GABRA6: variants seen among roughly 807,000 people sequenced by gnomAD.
The protein encoded by GABRA6 is gamma-aminobutyric acid receptor subunit alpha-6.
GABRA6 carries 45 observed loss-of-function variants against 47.3 expected under a neutral mutation model. That is an observed-to-expected ratio of 0.95 (90% CI 0.75 to 1.22). The LOEUF (loss-of-function observed/expected upper bound fraction) is 1.22. Among genes scored for constraint, GABRA6 ranks in the 50% most tolerant of loss-of-function variants. The probability of loss-of-function intolerance (pLI) is 0.00; values close to 1 mark genes in which losing one functional copy is unlikely to be tolerated. For synonymous variants in GABRA6, 219 were observed against 194.7 expected (o/e 1.12, Z -1.04); for missense variants, 583 against 549.3 (o/e 1.06, Z -0.61).
At chr5:161,688,830 T>C in intron 3 of GABRA6, 119 bp from the exon 4 acceptor site, 1 of 795,848 alleles carries the variant, frequency 1.3e-6, no homozygotes, top group Non-Finnish European at 2.1e-6. Flanking sequence ...TGTGAGAAAT[T>C]ATTGCGATAA....
chr5:161,687,653 CG>C, intron 3 of GABRA6: 1 of 358,942 alleles, frequency 2.8e-6, no homozygotes, highest in South Asian at 2.2e-5. Context: ...CTCTCTAAAA[CG>C]GAAGTGTAAA....
rs531309511 is a variant in GABRA6, at chr5:161,697,555, A to G, written c.1087-3943A>G. Among the ~76,000 whole-genome samples the G allele has an allele frequency of 2.3e-4, 35 of 152,202 alleles. 1 individual carries two copies. In the South Asian group the frequency reaches 5.6e-3, roughly 24 times the overall value. On this transcript the variant is annotated intron_variant, in intron 8 of 8. Transcript: ENST00000274545. Reference sequence around the variant, plus strand: ...TGTGACTCTAAGCCAGTGATTTCCTATGGGGAGCTATTTCCCCCAAGAGAC... The same window carrying G: ...TGTGACTCTAAGCCAGTGATTTCCTGTGGGGAGCTATTTCCCCCAAGAGAC...
chr5:161,696,457 C>T (rs1454456194), intron 8 of GABRA6, among the ~76,000 whole-genome samples: 2 of 150,856 alleles, frequency 1.3e-5, no homozygotes, highest in Non-Finnish European at 2.9e-5. Context: ...TGAATTAAGA[C>T]CATTAAAGAC....
Position 161,702,040 on chromosome 5 carries a change from G to T in GABRA6, c.*267G>T. The T allele has an allele frequency of 4.4e-6, 2 of 449,604 alleles. No homozygotes were observed. Among genetic ancestry groups the T allele is most frequent in the South Asian group, 2.8e-5 (1 of 35,252 alleles). The allele number at this position is 449,604 out of a possible 1,614,324, so 27.9% of individuals were successfully genotyped here. A position where few individuals can be genotyped will look rare whatever the true frequency, so the allele number is the denominator to read the frequency against. ...GATGAAATGGGTTCAAGATGAATTT[G>T]TCAACTTTTGTCTTCCATTGTTCAG... On this transcript the variant is annotated 3_prime_UTR_variant, in exon 9 of 9. Coordinates refer to ENST00000274545, the MANE Select transcript of GABRA6 (RefSeq NM_000811.3).
chr5:161,689,409 T>A, intron 5 of GABRA6, 73 bp downstream of exon 5: 1 of 1,310,112 alleles, frequency 7.6e-7, no homozygotes, highest in South Asian at 1.2e-5. Flanking sequence ...TAGTTGATAC[T>A]GGAAATCAAG....
Position 161,701,779 on chromosome 5 carries a change from G to A in GABRA6, c.*6G>A, listed in dbSNP as rs768911332. 21 of 1,613,774 alleles carry A rather than the reference G, an allele frequency of 1.3e-5. No individual in the cohort carries two copies. Among genetic ancestry groups the A allele is most frequent in the Admixed American group, 8.3e-5 (5 of 59,996 alleles). On this transcript the variant is annotated 3_prime_UTR_variant, in exon 9 of 9. Transcript: ENST00000274545. ...TCAGTAGCAGTGTTGAATAGCTTGC[G>A]GCCAGGACAACCTGAATTCTATAAG...
chr5:161,690,646 A>G (rs1754774507), intron 7 of GABRA6, among the ~76,000 whole-genome samples: 1 of 152,206 alleles, frequency 6.6e-6, no homozygotes, highest in Non-Finnish European at 1.5e-5. Context: ...GAAAAGCAGA[A>G]AGTTAAAAAC....
chr5:161,694,234 A>G (rs1754850010), intron 8 of GABRA6, among the ~76,000 whole-genome samples: 1 of 151,682 alleles, frequency 6.6e-6, no homozygotes, highest in Non-Finnish European at 1.5e-5. Flanking sequence ...ATATATTAAT[A>G]TATGTCTATA....
chr5:161,689,252 A>G lies in GABRA6; in HGVS notation c.447-2A>G. On this transcript the variant is annotated splice_acceptor_variant, in intron 4 of 8. Coordinates refer to ENST00000274545, the MANE Select transcript of GABRA6 (RefSeq NM_000811.3). LOFTEE classifies it high-confidence loss of function. ...CAGAACCGTTGATTTCAATGTTTCT[A>G]GGCTTACCATCAATGCTGACTGTCC... is the stretch of plus-strand genomic sequence containing the variant. 6.2e-7 allele frequency: 1 copy of G among 1,613,896 alleles called. No individual in the cohort carries two copies. The highest frequency in any genetic ancestry group is 8.5e-7 in the Non-Finnish European group (1 of 1,179,758).
Position 161,687,011 on chromosome 5 carries a change from A to G in GABRA6, c.225+8A>G. On this transcript the variant is annotated splice_region_variant and intron_variant, in intron 3 of 8. Transcript: ENST00000274545. ...GTGTCAGATGTGGAGATGGTGAGTA[A>G]GTTCTAAGTGAGTTGGGTGTTTTCA... is the stretch of plus-strand genomic sequence containing the variant. The G allele has an allele frequency of 6.2e-7, 1 of 1,613,148 alleles. No homozygotes were observed. Among genetic ancestry groups the G allele is most frequent in the South Asian group, 1.1e-5 (1 of 91,074 alleles).
chr5:161,701,399 C>T lies in GABRA6; in HGVS notation c.1087-99C>T, dbSNP rs527548814. On this transcript the variant is annotated intron_variant, in intron 8 of 8. Coordinates refer to ENST00000274545, the MANE Select transcript of GABRA6 (RefSeq NM_000811.3). ...GTTTGACCTTACATAGAAAGTAAGTCGTCAATAAATATTTGTCAATGGTGA... is the reference window on the plus strand; with the variant it reads ...GTTTGACCTTACATAGAAAGTAAGTTGTCAATAAATATTTGTCAATGGTGA... 1.2e-4 allele frequency: 157 copies of T among 1,293,962 alleles called. 1 individual carries two copies. The African/African-American group carries it at 1.4e-3, about 11-fold the overall frequency. The allele number at this position is 1,293,962 out of a possible 1,614,324, so 80.2% of individuals were successfully genotyped here.
intron 8 of GABRA6, among the ~76,000 whole-genome samples, chr5:161,697,655 T>C (rs1220548886): frequency 1.3e-5 from 2 of 152,158 alleles, no homozygotes; most frequent in East Asian, 3.9e-4. Flanking sequence ...CCAGGGATGC[T>C]GCTCTACATC....
intron 1 of GABRA6, 79 bp downstream of exon 1, chr5:161,686,106 T>C: frequency 1.4e-6 from 2 of 1,452,222 alleles, no homozygotes; most frequent in East Asian, 2.3e-5. Flanking sequence ...GTGACTCCTA[T>C]ATCAAATCAT....
chr5:161,701,983 C>A lies in GABRA6; in HGVS notation c.*210C>A. On this transcript the variant is annotated 3_prime_UTR_variant, in exon 9 of 9. Coordinates refer to ENST00000274545, the MANE Select transcript of GABRA6 (RefSeq NM_000811.3). ...AGTTGAAGATTGCTGAAAAATATGA[C>A]TTTTCTGTATGTTAGAGAAAAACTT... is the stretch of plus-strand genomic sequence containing the variant. 2 of 584,724 alleles carry A rather than the reference C, an allele frequency of 3.4e-6. No homozygotes were observed. Among genetic ancestry groups the A allele is most frequent in the Non-Finnish European group, 6.0e-6 (2 of 332,770 alleles). The allele number at this position is 584,724 out of a possible 1,614,324, so 36.2% of individuals were successfully genotyped here.
rs79184473 is a variant in GABRA6, at chr5:161,692,302, A to C, written c.1086+102A>C. ...TCCAAAAGTAATGTGAGTTGAGCACAGGTTATATAACTGTAGTTTCAAGAG... is the reference window on the plus strand; with the variant it reads ...TCCAAAAGTAATGTGAGTTGAGCACCGGTTATATAACTGTAGTTTCAAGAG... On this transcript the variant is annotated intron_variant, in intron 8 of 8. Coordinates refer to ENST00000274545, the MANE Select transcript of GABRA6 (RefSeq NM_000811.3). 10,946 of 1,394,206 alleles carry C rather than the reference A, an allele frequency of 7.9e-3. 63 individuals are homozygous for C. Among genetic ancestry groups the C allele is most frequent in the Non-Finnish European group, 9.9e-3 (9,760 of 986,764 alleles). The allele number at this position is 1,394,206 out of a possible 1,614,324, so 86.4% of individuals were successfully genotyped here.
At chr5:161,688,067 C>T (rs1754730362) in intron 3 of GABRA6, among the ~76,000 whole-genome samples, 4 of 152,070 alleles carry the variant, frequency 2.6e-5, no homozygotes, top group African/African-American at 7.2e-5. Context: ...TCTGAGTATA[C>T]TTAGTGTTCT....
intron 3 of GABRA6, 110 bp from the exon 4 acceptor site, chr5:161,688,839 A>G: frequency 1.2e-6 from 1 of 863,258 alleles, no homozygotes; most frequent in Non-Finnish European, 1.9e-6. Flanking sequence ...TTATTGCGAT[A>G]AAAAGTTGCT....
chr5:161,695,119 T>G (rs1389884197), intron 8 of GABRA6, among the ~76,000 whole-genome samples: 1 of 152,192 alleles, frequency 6.6e-6, no homozygotes, highest in Non-Finnish European at 1.5e-5. Flanking sequence ...TGTGATTCTA[T>G]GTTGTATATT....
At chr5:161,698,625 G>C (rs1754923309) in intron 8 of GABRA6, among the ~76,000 whole-genome samples, 1 of 151,866 alleles carries the variant, frequency 6.6e-6, no homozygotes, top group South Asian at 2.1e-4. Flanking sequence ...TAGGAAAAAA[G>C]TTACTTGTTA....
Sources: gnomAD v4.1 joint callset for allele counts (sites outside exome capture counted in the v4.1 genomes callset) on GRCh38, gnomAD v4.1.1 for gene constraint, MANE v1.5 for transcripts, NCBI Gene and HGNC (gene_info 2026-07-23, HGNC 2026-07-21) for gene names.